Variants in THSD7B observed in about 807,000 individuals in gnomAD.
The protein encoded by THSD7B is thrombospondin type 1 domain containing 7B.
In THSD7B, 138 loss-of-function variants were observed where a neutral mutation model predicts 213.6. The ratio of observed to expected loss-of-function variants is 0.65; its 90% CI spans 0.56 to 0.74. The LOEUF (loss-of-function observed/expected upper bound fraction) is 0.74. THSD7B is among the 30% of genes least tolerant of loss of function. The pLI is 0.00. For synonymous variants in THSD7B, 742 were observed against 687.0 expected (o/e 1.08, Z -1.25); for missense variants, 1,931 against 1,991.5 (o/e 0.97, Z 0.58).
chr2:137,088,019 T>C (rs1487340083), intron 3 of THSD7B, among the ~76,000 whole-genome samples: 1 of 151,926 alleles, frequency 6.6e-6, no homozygotes, highest in Non-Finnish European at 1.5e-5. Context: ...GCAGGTGGAT[T>C]GCCTGAGTTC....
chr2:137,267,059 G>A (rs943735815), intron 10 of THSD7B, among the ~76,000 whole-genome samples: 2 of 152,120 alleles, frequency 1.3e-5, no homozygotes, highest in African/African-American at 4.8e-5. Flanking sequence ...AAAGACTAGT[G>A]TAGACCTTCA....
chr2:136,853,970 C>T, intron 1 of THSD7B, among the ~76,000 whole-genome samples: 1 of 152,256 alleles, frequency 6.6e-6, no homozygotes, highest in Middle Eastern at 3.4e-3. Flanking sequence ...TTTAACATAT[C>T]TCCATCCCAC....
intron 2 of THSD7B, among the ~76,000 whole-genome samples, chr2:137,034,206 G>T (rs1048203856): frequency 2.0e-5 from 3 of 152,006 alleles, no homozygotes; most frequent in Non-Finnish European, 4.4e-5. Flanking sequence ...CATTGATGGT[G>T]CTGGGAAAAC....
At chr2:136,833,863 T>G (rs1008273678) in intron 1 of THSD7B, among the ~76,000 whole-genome samples, 1 of 152,192 alleles carries the variant, frequency 6.6e-6, no homozygotes, top group Non-Finnish European at 1.5e-5. Context: ...TCATAAAAAT[T>G]GTAAAATTCA....
At chr2:137,607,296 T>C (rs778844849) in intron 17 of THSD7B, among the ~76,000 whole-genome samples, 2 of 152,186 alleles carry the variant, frequency 1.3e-5, no homozygotes, top group Non-Finnish European at 2.9e-5. Flanking sequence ...TTTTTCTGTA[T>C]ATCTCTATTT....
chr2:137,353,740 C>A (rs970505789), intron 12 of THSD7B, among the ~76,000 whole-genome samples: 7 of 152,080 alleles, frequency 4.6e-5, no homozygotes, highest in Non-Finnish European at 1.0e-4. Flanking sequence ...TATACCTATT[C>A]TGCCAAGTAT....
chr2:137,665,616 T>G (rs1683431164), intron 26 of THSD7B, among the ~76,000 whole-genome samples: 1 of 152,046 alleles, frequency 6.6e-6, no homozygotes, highest in Non-Finnish European at 1.5e-5. Context: ...CTGTCATATA[T>G]TTTGACCTAA....
intron 12 of THSD7B, among the ~76,000 whole-genome samples, chr2:137,351,386 A>T (rs1199051196): frequency 6.6e-6 from 1 of 151,916 alleles, no homozygotes; most frequent in African/African-American, 2.4e-5. Flanking sequence ...TATTTCACAA[A>T]TGCAATTTTT....
At chr2:137,158,594 C>G (rs1053663729) in intron 5 of THSD7B, among the ~76,000 whole-genome samples, 3 of 152,218 alleles carry the variant, frequency 2.0e-5, no homozygotes, top group African/African-American at 7.2e-5. Context: ...CTTTCACCCT[C>G]ATAAGCAGCT....
chr2:137,502,705 CT>C (rs1346696986), intron 15 of THSD7B, among the ~76,000 whole-genome samples: 3 of 152,194 alleles, frequency 2.0e-5, no homozygotes, highest in African/African-American at 7.2e-5. Context: ...ATAGTCCCCA[CT>C]TTGATTAATC....
chr2:137,328,774 A>T (rs761495490), intron 12 of THSD7B, among the ~76,000 whole-genome samples: 1 of 152,108 alleles, frequency 6.6e-6, no homozygotes, highest in South Asian at 2.1e-4. Context: ...TATTCTCGTG[A>T]TAGTAAGTTC....
intron 1 of THSD7B, among the ~76,000 whole-genome samples, chr2:136,860,160 A>AT (rs985135351): frequency 1.9e-4 from 29 of 151,348 alleles, no homozygotes; most frequent in African/African-American, 6.8e-4. Flanking sequence ...TGAATTCATG[A>AT]TTTTTTTGAG....
intron 5 of THSD7B, among the ~76,000 whole-genome samples, chr2:137,159,278 T>G: frequency 6.6e-6 from 1 of 151,484 alleles, no homozygotes; most frequent in East Asian, 1.9e-4. Flanking sequence ...CAAAAAGCAA[T>G]AGAAAAAATT....
intron 17 of THSD7B, among the ~76,000 whole-genome samples, chr2:137,588,736 A>G (rs1681798414): frequency 1.3e-5 from 2 of 151,562 alleles, no homozygotes; most frequent in African/African-American, 2.4e-5. Flanking sequence ...ATATCCATAT[A>G]TTGGTATGTT....
intron 3 of THSD7B, among the ~76,000 whole-genome samples, chr2:137,071,246 A>G (rs576605376): frequency 6.6e-6 from 1 of 152,290 alleles, no homozygotes; most frequent in South Asian, 2.1e-4. Context: ...CTGTTTAATG[A>G]TCACCATTCT....
chr2:136,924,297 T>A (rs866916227), intron 2 of THSD7B, among the ~76,000 whole-genome samples: 3 of 152,162 alleles, frequency 2.0e-5, no homozygotes, highest in Admixed American at 1.3e-4. Flanking sequence ...GCCAGGCTGG[T>A]CTTGAACTCC....
intron 20 of THSD7B, among the ~76,000 whole-genome samples, chr2:137,631,291 A>G (rs2104852558): frequency 6.6e-6 from 1 of 152,252 alleles, no homozygotes; most frequent in African/African-American, 2.4e-5. Flanking sequence ...TGTCTCTTGA[A>G]TTTTCATCAG....
chr2:136,791,548 C>T (rs574539486), intron 1 of THSD7B, among the ~76,000 whole-genome samples: 1 of 151,842 alleles, frequency 6.6e-6, no homozygotes, highest in African/African-American at 2.4e-5. Flanking sequence ...CCACTCCCTC[C>T]CCCGCCCCCC....
chr2:137,656,199 A>C (rs1355513158), intron 22 of THSD7B, among the ~76,000 whole-genome samples: 3 of 152,218 alleles, frequency 2.0e-5, no homozygotes. Context: ...TTTGTATGGC[A>C]TAAGTTCAAG....
Sources: allele counts gnomAD v4.1 joint callset (sites outside exome capture counted in the v4.1 genomes callset), GRCh38; gene constraint gnomAD v4.1.1; transcripts MANE v1.5; gene names NCBI Gene and HGNC (gene_info 2026-07-23, HGNC 2026-07-21).